MYH14: variants seen among roughly 807,000 people sequenced by gnomAD.
MYH14 encodes the protein myosin-14.
MYH14 carries 123 observed loss-of-function variants against 255.5 expected under a neutral mutation model. That is an observed-to-expected ratio of 0.48 (90% confidence interval 0.42 to 0.56). The LOEUF (loss-of-function observed/expected upper bound fraction) is 0.56. MYH14 is among the 20% of genes least tolerant of loss of function. The pLI is 0.00. For missense variants in MYH14, 2,423 were observed against 2,802.3 expected (o/e 0.86, Z 3.06); for synonymous variants, 1,095 against 1,161.2 (o/e 0.94, Z 1.16).
At chr19:50,224,682 G>A in intron 6 of MYH14, 1 of 409,986 alleles carries the variant, frequency 2.4e-6, no homozygotes. Flanking sequence ...GGGGCTGGAG[G>A]GAAGTTTGGA....
At chr19:50,249,516 T>A (rs2034276481) in intron 13 of MYH14, 134 bp from the exon 14 acceptor site, 7 of 893,310 alleles carry the variant, frequency 7.8e-6, no homozygotes, top group Non-Finnish European at 1.2e-5. Context: ...TCTCTCTGGG[T>A]CTCTGTCCCC....
chr19:50,254,442 CG>C (rs2034518483), intron 16 of MYH14, among the ~76,000 whole-genome samples: 1 of 152,120 alleles, frequency 6.6e-6, no homozygotes, highest in Non-Finnish European at 1.5e-5. Context: ...AATCATCTCC[CG>C]GCTGAAAATC....
chr19:50,210,503 G>T lies in MYH14; in HGVS notation c.138G>T (p.Pro46=). ...GCGGGCCTGGCTCGGGCACCTCCCC[G>T]CAGGTGGAGTGGACGGCCCGGCGTC... The part of the protein sequence containing the change: ...AGGGPGSGTS[P]QVEWTARRLV... Residue 46 remains proline, a synonymous_variant, in exon 2 of 43, where the codon CCG becomes CCT. Coordinates refer to ENST00000642316, the MANE Select transcript of MYH14 (RefSeq NM_001145809.2). The T allele has an allele frequency of 6.4e-7, 1 of 1,564,766 alleles. No homozygotes were observed. The highest frequency in any genetic ancestry group is 8.6e-7 in the Non-Finnish European group (1 of 1,156,900).
intron 8 of MYH14, among the ~76,000 whole-genome samples, chr19:50,227,989 T>C (rs1467028773): frequency 6.6e-6 from 1 of 152,148 alleles, no homozygotes; most frequent in East Asian, 1.9e-4. Flanking sequence ...TAGCAATTAA[T>C]GATTAAATTA....
Position 50,264,525 on chromosome 19 carries a change from G to T in MYH14, c.2694+1105G>T, listed in dbSNP as rs186820842. Among the ~76,000 whole-genome samples the T allele has an allele frequency of 3.9e-5, 6 of 152,306 alleles. No homozygotes were observed. The East Asian group carries it at 1.2e-3, about 29-fold the overall frequency. ...CCAGACTTTTCTTAGGAATGTGTGG[G>T]GTTTGGACAACCCAGGTCTGCTGAG... On this transcript the variant is annotated intron_variant, in intron 22 of 42. Coordinates refer to ENST00000642316, the MANE Select transcript of MYH14 (RefSeq NM_001145809.2).
chr19:50,275,956 C>T (rs753363341), intron 27 of MYH14, 35 bp from the exon 28 acceptor site: 5 of 1,554,560 alleles, frequency 3.2e-6, no homozygotes, highest in Non-Finnish European at 4.4e-6. Context: ...TCTGGCCTGC[C>T]CCTGTATCAA....
In MYH14 at chr19:50,210,620, C is replaced by T. The variant is rs1173494653; in HGVS notation, c.255C>T (p.Ser85=). Residue 85 remains serine (S), a synonymous_variant, in exon 2 of 43, where the codon AGC becomes AGT. Coordinates refer to ENST00000642316, the MANE Select transcript of MYH14 (RefSeq NM_001145809.2). ...EEEAEVELAE[S]GRRLRLPRDQ... ...AGGCGGAGGTGGAGCTGGCGGAGAG[C>T]GGGAGGCGGCTGCGACTGCCGCGGG... 6.4e-7 allele frequency: 1 copy of T among 1,569,112 alleles called. No homozygotes were observed. Among genetic ancestry groups the T allele is most frequent in the South Asian group, 1.2e-5 (1 of 85,688 alleles).
chr19:50,298,082 C>T (rs375256773), intron 39 of MYH14, among the ~76,000 whole-genome samples: 31 of 152,200 alleles, frequency 2.0e-4, no homozygotes, highest in African/African-American at 6.7e-4. Context: ...ACCCTGTCCT[C>T]TTGGGCCTTT....
At position 50,310,190 on chromosome 19, in the gene MYH14, T is replaced by C. The variant is rs886054596; in HGVS notation, c.*400T>C. On this transcript the variant is annotated 3_prime_UTR_variant, in exon 43 of 43. Transcript: ENST00000642316. Reference sequence around the variant, plus strand: ...CTCTGCTTCTCTCTCTCTCTCTCTCTCTCCCTCCCTCTCCTTCCCTACCCT... The same window carrying C: ...CTCTGCTTCTCTCTCTCTCTCTCTCCCTCCCTCCCTCTCCTTCCCTACCCT... 6 of 267,636 alleles carry C rather than the reference T, an allele frequency of 2.2e-5. No homozygotes were observed. Among genetic ancestry groups the C allele is most frequent in the South Asian group, 1.8e-4 (4 of 21,768 alleles). The allele number at this position is 267,636 out of a possible 1,614,324, so 16.6% of individuals were successfully genotyped here. A position where few individuals can be genotyped will look rare whatever the true frequency, so the allele number is the denominator to read the frequency against.
chr19:50,304,188 A>G (rs1347866436), intron 40 of MYH14, among the ~76,000 whole-genome samples: 1 of 152,228 alleles, frequency 6.6e-6, no homozygotes, highest in Non-Finnish European at 1.5e-5. Flanking sequence ...TTGACTTGCT[A>G]TTCATCATCT....
chr19:50,258,721 C>CCAAAAA (rs2034686301), intron 18 of MYH14: 2 of 33,946 alleles, frequency 5.9e-5, no homozygotes, highest in South Asian at 1.2e-3. Flanking sequence ...GACTCTGTCT[C>CCAAAAA]AAAAAAAAAA....
Position 50,221,327 on chromosome 19 carries a change from C to T in MYH14, c.563-1756C>T, listed in dbSNP as rs530884275. 1.5e-4 allele frequency among the ~76,000 whole-genome samples: 23 copies of T among 152,180 alleles called. No homozygotes were observed. Among genetic ancestry groups the T allele is most frequent in the South Asian group, 6.2e-4 (3 of 4,820 alleles). On this transcript the variant is annotated intron_variant, in intron 3 of 42. Coordinates refer to ENST00000642316, the MANE Select transcript of MYH14 (RefSeq NM_001145809.2). This position sits in a 1 kb window ranked among gnomAD's most constrained non-coding sequence, Gnocchi z 5.3. ...GCAGCAAGTCAGAGAGGCAGCCGGG[C>T]GGTGAACCTGTGTGCATATAGTCCC...
chr19:50,264,399 G>T (rs923354203), intron 22 of MYH14, among the ~76,000 whole-genome samples: 2 of 152,114 alleles, frequency 1.3e-5, no homozygotes, highest in African/African-American at 4.8e-5. Context: ...CGTTAGCATA[G>T]ACTATCCAGG....
intron 35 of MYH14, among the ~76,000 whole-genome samples, chr19:50,290,045 C>A (rs2036019446): frequency 6.6e-6 from 1 of 152,078 alleles, no homozygotes. Context: ...CATCTGCCAC[C>A]CCATCTATTC....
chr19:50,272,288 C>G (rs1423733865), intron 26 of MYH14, among the ~76,000 whole-genome samples: 1 of 152,010 alleles, frequency 6.6e-6, no homozygotes, highest in African/African-American at 2.4e-5. Flanking sequence ...GGAAGGGGCA[C>G]AGGGAGGAGG....
chr19:50,302,398 A>C (rs2036519807), intron 40 of MYH14, among the ~76,000 whole-genome samples: 1 of 151,710 alleles, frequency 6.6e-6, no homozygotes, highest in South Asian at 2.1e-4. Flanking sequence ...CCTAGCCAAC[A>C]TGGTGAAACC....
chr19:50,309,529 C>T, intron 42 of MYH14, 111 bp from the exon 43 acceptor site: 1 of 777,482 alleles, frequency 1.3e-6, no homozygotes, highest in East Asian at 2.7e-5. Flanking sequence ...ATTTTGTTCT[C>T]TCTCTTCCTA....
At chr19:50,309,317 T>C in intron 42 of MYH14, 140 bp downstream of exon 42, 1 of 857,150 alleles carries the variant, frequency 1.2e-6, no homozygotes, top group Non-Finnish European at 1.9e-6. Flanking sequence ...GCAGCGGCTG[T>C]GTTGCGGGAG....
intron 37 of MYH14, among the ~76,000 whole-genome samples, chr19:50,292,902 G>A (rs1683096097): frequency 6.6e-6 from 1 of 151,966 alleles, no homozygotes; most frequent in South Asian, 2.1e-4. Context: ...TATGGTGAGG[G>A]GGGCCGGAGG....
Sources: gnomAD v4.1 joint callset for allele counts (sites outside exome capture counted in the v4.1 genomes callset) on GRCh38, gnomAD v4.1.1 for gene constraint, Gnocchi (gnomAD v3.1) non-coding constraint, MANE v1.5 for transcripts, NCBI Gene and HGNC (gene_info 2026-07-23, HGNC 2026-07-21) for gene names.